Variants in ANKS1B observed in about 807,000 individuals in gnomAD.
The protein encoded by ANKS1B is ankyrin repeat and sterile alpha motif domain-containing protein 1B.
In ANKS1B, 36 loss-of-function variants were observed where a neutral mutation model predicts 148.3. The observed-to-expected ratio is 0.24, with a 90% CI of 0.19 to 0.32. The LOEUF (loss-of-function observed/expected upper bound fraction) is 0.32. ANKS1B is among the 10% of genes least tolerant of loss of function. ANKS1B has a pLI of 1.00. For synonymous variants in ANKS1B, 542 were observed against 560.8 expected, an observed-to-expected ratio of 0.97 and a Z score of 0.47; for missense variants, 1,157 against 1,542.6, an observed-to-expected ratio of 0.75 and a Z score of 4.19.
At chr12:99,002,468 G>A (rs547432177) in intron 17 of ANKS1B, among the ~76,000 whole-genome samples, 1 of 149,822 alleles carries the variant, frequency 6.7e-6, no homozygotes, top group East Asian at 2.0e-4. Context: ...TAACATAGCC[G>A]ACACTTCATG....
intron 8 of ANKS1B, among the ~76,000 whole-genome samples, chr12:99,665,701 TG>T (rs2098503156): frequency 2.6e-5 from 4 of 152,164 alleles, no homozygotes; most frequent in Admixed American, 2.6e-4. Flanking sequence ...TTAACCAGGA[TG>T]GTCTCGATCT....
intron 1 of ANKS1B, among the ~76,000 whole-genome samples, chr12:99,857,114 T>C (rs1053840062): frequency 6.6e-6 from 1 of 152,146 alleles, no homozygotes; most frequent in African/African-American, 2.4e-5. Context: ...GCTGAAGACA[T>C]GATTGTATAC....
chr12:98,737,420 T>C (rs1223909822), intron 9 of ANKS1B, among the ~76,000 whole-genome samples: 2 of 152,228 alleles, frequency 1.3e-5, no homozygotes, highest in Non-Finnish European at 2.9e-5. Flanking sequence ...CCCTGCCCTC[T>C]CCTAGCATTC....
At chr12:98,765,014 T>C (rs1303472096) in intron 25 of ANKS1B, among the ~76,000 whole-genome samples, 1 of 152,222 alleles carries the variant, frequency 6.6e-6, no homozygotes, top group South Asian at 2.1e-4. Context: ...TCCTCAGATG[T>C]GGAAGCACGC....
intron 8 of ANKS1B, among the ~76,000 whole-genome samples, chr12:99,742,304 A>G (rs2060195585): frequency 6.6e-6 from 1 of 152,080 alleles, no homozygotes; most frequent in Admixed American, 6.6e-5. Flanking sequence ...GATGTATTTG[A>G]TTACATTAAA....
intron 4 of ANKS1B, among the ~76,000 whole-genome samples, chr12:99,802,803 C>G (rs1439737662): frequency 1.3e-5 from 2 of 151,794 alleles, no homozygotes; most frequent in African/African-American, 2.4e-5. Context: ...GTCCCACCTA[C>G]TCAGGAGGCT....
intron 1 of ANKS1B, among the ~76,000 whole-genome samples, chr12:99,901,326 C>A (rs901298186): frequency 2.0e-5 from 3 of 152,198 alleles, no homozygotes; most frequent in Non-Finnish European, 4.4e-5. Flanking sequence ...CAACTGTCAG[C>A]CTGTGCTGCC....
At chr12:98,986,779 TTTTTA>T (rs1412827570) in intron 17 of ANKS1B, among the ~76,000 whole-genome samples, 1 of 151,996 alleles carries the variant, frequency 6.6e-6, no homozygotes, top group Non-Finnish European at 1.5e-5. Flanking sequence ...CACACCTGGA[TTTTTA>T]TTTTATTTTA....
At position 98,999,539 on chromosome 12, in the gene ANKS1B, G is replaced by T. The variant is rs192245735; in HGVS notation, c.2778+53618C>A. ...AGGATACTTTATGTTTTTGCAAAAG[G>T]TTATAAAATACCAAACTTTAGTAAA... is the stretch of plus-strand genomic sequence containing the variant. On this transcript the variant is annotated intron_variant, in intron 17 of 26. Coordinates refer to ENST00000683438, the MANE Select transcript of ANKS1B (RefSeq NM_001352186.2). 3.1e-3 allele frequency among the ~76,000 whole-genome samples: 469 copies of T among 152,202 alleles called. 2 individuals are homozygous for T. Among genetic ancestry groups the T allele is most frequent in the Non-Finnish European group, 5.4e-3 (366 of 68,010 alleles).
intron 9 of ANKS1B, among the ~76,000 whole-genome samples, chr12:99,506,163 G>A (rs953146417): frequency 1.3e-5 from 2 of 152,032 alleles, no homozygotes; most frequent in African/African-American, 4.8e-5. Flanking sequence ...AAACTCGTAA[G>A]TTGAACCATC....
At chr12:99,606,511 A>T (rs1374626919) in intron 9 of ANKS1B, among the ~76,000 whole-genome samples, 1 of 151,902 alleles carries the variant, frequency 6.6e-6, no homozygotes, top group African/African-American at 2.4e-5. Context: ...GCATTTCCTC[A>T]ATTTTTTACA....
At chr12:99,973,851 G>A (rs188411976) in intron 1 of ANKS1B, among the ~76,000 whole-genome samples, 4 of 152,228 alleles carry the variant, frequency 2.6e-5, no homozygotes, top group Non-Finnish European at 4.4e-5. Flanking sequence ...GAGTGGAATC[G>A]ACTCCTGGTG....
In ANKS1B at chr12:98,769,325, G is replaced by A. The variant is rs549052111; in HGVS notation, c.3579+3717C>T. 4.6e-5 allele frequency among the ~76,000 whole-genome samples: 7 copies of A among 152,084 alleles called. No individual in the cohort carries two copies. In the South Asian group the frequency reaches 1.5e-3, roughly 32 times the overall value. Reference sequence around the variant, plus strand: ...CAAAGAAGCTTTTTTTAGTGCAAGTGAAGCTTGTTGCATCTCAGAATTGCT... The same window carrying A: ...CAAAGAAGCTTTTTTTAGTGCAAGTAAAGCTTGTTGCATCTCAGAATTGCT... On this transcript the variant is annotated intron_variant, in intron 25 of 26. Transcript: ENST00000683438.
intron 14 of ANKS1B, among the ~76,000 whole-genome samples, chr12:99,230,246 C>G (rs1601874634): frequency 6.6e-6 from 1 of 151,880 alleles, no homozygotes; most frequent in Admixed American, 6.6e-5. Flanking sequence ...ACTTTTGACC[C>G]AACAAAATAA....
intron 17 of ANKS1B, among the ~76,000 whole-genome samples, chr12:98,947,940 C>T (rs532723772): frequency 3.3e-5 from 5 of 152,170 alleles, no homozygotes; most frequent in East Asian, 1.9e-4. Context: ...ACTTACCAAC[C>T]GGTGTGAGAT....
rs76481099 is a variant in ANKS1B, at chr12:99,269,415, T to A, written c.1757-22551A>T. ...CAACACTGCTAAAGGAAGCCATCAC[T>A]CTAACAAAATATTGAATATGTTTAG... On this transcript the variant is annotated intron_variant, in intron 12 of 26. Coordinates refer to ENST00000683438, the MANE Select transcript of ANKS1B (RefSeq NM_001352186.2). 3.5e-3 allele frequency among the ~76,000 whole-genome samples: 534 copies of A among 152,310 alleles called. 20 individuals carry two copies. In the East Asian group the frequency reaches 0.067, roughly 19 times the overall value.
At chr12:99,620,958 C>T (rs1016861729) in intron 9 of ANKS1B, among the ~76,000 whole-genome samples, 1 of 152,044 alleles carries the variant, frequency 6.6e-6, no homozygotes, top group Non-Finnish European at 1.5e-5. Flanking sequence ...ATATAGTCAC[C>T]AGCCTGTCCA....
intron 9 of ANKS1B, among the ~76,000 whole-genome samples, chr12:98,736,858 C>G (rs976947737): frequency 2.6e-5 from 4 of 152,208 alleles, no homozygotes; most frequent in African/African-American, 4.8e-5. Flanking sequence ...ACCCACCTAT[C>G]TATCCTGTAC....
chr12:99,320,591 G>A (rs183326999), intron 12 of ANKS1B, among the ~76,000 whole-genome samples: 175 of 152,182 alleles, frequency 1.1e-3, no homozygotes, highest in African/African-American at 4.1e-3. Context: ...TTAGCCATTC[G>A]TCTAATCTTT....
Sources: allele counts gnomAD v4.1 joint callset (sites outside exome capture counted in the v4.1 genomes callset), GRCh38; gene constraint gnomAD v4.1.1; transcripts MANE v1.5; gene names NCBI Gene and HGNC (gene_info 2026-07-23, HGNC 2026-07-21).